Variants in RNF135 observed in about 807,000 individuals in gnomAD.
RNF135 encodes ring finger protein 135, also known as E3 ubiquitin-protein ligase RNF135.
RNF135 carries 46 observed loss-of-function variants against 41.9 expected under a neutral mutation model. The observed-to-expected ratio is 1.10, with a 90% CI of 0.87 to 1.40. The LOEUF is 1.40. Among genes scored for constraint, RNF135 ranks in the 40% most tolerant of loss-of-function variants. RNF135 has a pLI of 0.00. For synonymous variants in RNF135, 238 were observed against 223.8 expected, an observed-to-expected ratio of 1.06 and a Z score of -0.57; for missense variants, 539 against 549.8, an observed-to-expected ratio of 0.98 and a Z score of 0.20.
chr17:30,992,840 T>C (rs1908080208), intron 3 of RNF135, among the ~76,000 whole-genome samples: 1 of 152,048 alleles, frequency 6.6e-6, no homozygotes, highest in Non-Finnish European at 1.5e-5. Context: ...GTTCATTTTT[T>C]CTTTTATGCA....
At chr17:30,993,824 T>G (rs1460930246) in intron 3 of RNF135, 1 of 903,318 alleles carries the variant, frequency 1.1e-6, no homozygotes, top group Non-Finnish European at 1.7e-6. Context: ...TAATTAATTT[T>G]TTTATTTTGA....
upstream of RNF135, chr17:30,970,126 G>A (rs1905767622): frequency 1.3e-5 from 2 of 151,936 alleles, no homozygotes; most frequent in Middle Eastern, 3.2e-3. Context: ...AGATTGGGGA[G>A]TTGTGGGTTT....
At chr17:30,993,208 C>A (rs1908109734) in intron 3 of RNF135, among the ~76,000 whole-genome samples, 1 of 151,874 alleles carries the variant, frequency 6.6e-6, no homozygotes. Flanking sequence ...TTATAGGCTC[C>A]CGACACCACA....
intron 1 of RNF135, chr17:30,975,572 T>G: frequency 1.3e-6 from 1 of 799,220 alleles, no homozygotes; most frequent in Non-Finnish European, 2.3e-6. Context: ...ACTCCAGGTC[T>G]GGTTCAAGAA....
chr17:30,975,397 A>G, intron 1 of RNF135: 1 of 764,040 alleles, frequency 1.3e-6, no homozygotes, highest in Non-Finnish European at 2.4e-6. Flanking sequence ...TGCCAGGCTC[A>G]GAGGATCTTC....
At chr17:30,984,955 A>G (rs1440082431) in intron 2 of RNF135, among the ~76,000 whole-genome samples, 195 bp downstream of exon 2, 7 of 152,210 alleles carry the variant, frequency 4.6e-5, no homozygotes, top group Non-Finnish European at 1.0e-4. Flanking sequence ...CAGATGGGCT[A>G]GGATCACTCC....
At position 30,988,758 on chromosome 17, in the gene RNF135, T is replaced by C. The variant is rs182209806; in HGVS notation, c.679+652T>C. Among the ~76,000 whole-genome samples the C allele has an allele frequency of 7.1e-4, 105 of 147,664 alleles. No individual in the cohort carries two copies. The East Asian group carries it at 0.019, about 27-fold the overall frequency. ...TTTAACTAGTAAATGTCTTCTTCTTTTTTTTTTTTTTAATAATTTTGTTTT... is the reference window on the plus strand; with the variant it reads ...TTTAACTAGTAAATGTCTTCTTCTTCTTTTTTTTTTTAATAATTTTGTTTT... On this transcript the variant is annotated intron_variant, in intron 3 of 4. Coordinates refer to ENST00000328381, the MANE Select transcript of RNF135 (RefSeq NM_032322.4).
chr17:30,965,785 T>A, the RNF135 span, among the ~76,000 whole-genome samples: 1 of 152,222 alleles, frequency 6.6e-6, no homozygotes, highest in Non-Finnish European at 1.5e-5. Context: ...AGGGGATGGA[T>A]GCTGCTGATT....
chr17:30,965,613 C>T, the RNF135 span: 2 of 152,166 alleles, frequency 1.3e-5, no homozygotes, highest in African/African-American at 4.8e-5. Flanking sequence ...ACTGTAATCA[C>T]CCAACGGGTT....
intron 1 of RNF135, among the ~76,000 whole-genome samples, chr17:30,974,743 G>A (rs1175736032): frequency 3.3e-5 from 5 of 151,540 alleles, no homozygotes; most frequent in African/African-American, 7.3e-5. Context: ...GCAGTGGCAC[G>A]ATCTTGGCTC....
the RNF135 span, among the ~76,000 whole-genome samples, chr17:30,962,174 C>T: frequency 4.0e-5 from 6 of 151,624 alleles, no homozygotes; most frequent in African/African-American, 9.7e-5. Context: ...CTCTGTGTCG[C>T]CAGGCTGGAG....
intron 1 of RNF135, among the ~76,000 whole-genome samples, chr17:30,977,938 C>A (rs1217202851): frequency 6.6e-6 from 1 of 152,126 alleles, no homozygotes; most frequent in Non-Finnish European, 1.5e-5. Flanking sequence ...TGATAAAATC[C>A]CTTAGCTTTT....
intron 1 of RNF135, among the ~76,000 whole-genome samples, chr17:30,975,131 G>A (rs1906327871): frequency 1.3e-5 from 2 of 148,906 alleles, no homozygotes; most frequent in Non-Finnish European, 1.5e-5. Context: ...AAAAAAAAAA[G>A]AAAAAAGAAG....
At chr17:30,970,171 T>A (rs575878440), upstream of RNF135, 1 of 150,310 alleles carries the variant, frequency 6.7e-6, no homozygotes. Context: ...CATGAGAGCC[T>A]GCAAGTTTTT....
upstream of RNF135, among the ~76,000 whole-genome samples, chr17:30,968,415 T>G (rs541281903): frequency 6.6e-6 from 1 of 150,670 alleles, no homozygotes; most frequent in African/African-American, 2.4e-5. Flanking sequence ...AGACAGAGTC[T>G]TGCTCTGTCG....
chr17:30,963,711 G>A, the RNF135 span, among the ~76,000 whole-genome samples: 1 of 152,332 alleles, frequency 6.6e-6, no homozygotes, highest in South Asian at 2.1e-4. Context: ...CTGTAAGAGT[G>A]TCAGTGAAGG....
At chr17:30,988,967 T>C (rs1382516961) in intron 3 of RNF135, among the ~76,000 whole-genome samples, 1 of 140,962 alleles carries the variant, frequency 7.1e-6, no homozygotes, top group Non-Finnish European at 1.6e-5. Flanking sequence ...AGTTTCACCA[T>C]GTTGGACAGA....
At chr17:30,990,353 T>A (rs564618520) in intron 3 of RNF135, among the ~76,000 whole-genome samples, 1 of 152,140 alleles carries the variant, frequency 6.6e-6, no homozygotes, top group East Asian at 1.9e-4. Context: ...TGAAACCCCG[T>A]CTCTACTAAA....
At chr17:30,960,801 G>A in the RNF135 span, among the ~76,000 whole-genome samples, 15,241 of 148,600 alleles carry the variant, frequency 0.1, 1,164 homozygotes, top group East Asian at 0.28. Flanking sequence ...GTGCAGTGGC[G>A]CAATCTCGGC....
Sources: allele counts gnomAD v4.1 joint callset (sites outside exome capture counted in the v4.1 genomes callset), GRCh38; gene constraint gnomAD v4.1.1; transcripts MANE v1.5; gene names NCBI Gene and HGNC (gene_info 2026-07-23, HGNC 2026-07-21).